Variants in RMDN2 observed in about 807,000 individuals in gnomAD.
RMDN2 encodes the protein regulator of microtubule dynamics 2, also known as regulator of microtubule dynamics protein 2.
A neutral mutation model predicts 52.8 loss-of-function variants in RMDN2; 61 were observed. The ratio of observed to expected loss-of-function variants is 1.16; its 90% CI spans 0.94 to 1.43. The LOEUF is 1.43. RMDN2 is among the 40% of genes most tolerant of loss of function. The pLI, the probability that RMDN2 is intolerant of heterozygous loss-of-function variation, is 0.00. For synonymous variants in RMDN2, 180 were observed against 153.1 expected, an observed-to-expected ratio of 1.18 and a Z score of -1.30; for missense variants, 592 against 475.3, an observed-to-expected ratio of 1.25 and a Z score of -2.28.
intron 10 of RMDN2, among the ~76,000 whole-genome samples, chr2:38,041,422 T>A (rs1394962065): frequency 8.5e-6 from 1 of 117,444 alleles, no homozygotes; most frequent in Non-Finnish European, 1.7e-5. Context: ...TCATTTTTTT[T>A]ATTGGTTTTT....
intron 10 of RMDN2, among the ~76,000 whole-genome samples, chr2:38,025,928 T>C (rs527766865): frequency 4.6e-5 from 7 of 152,248 alleles, no homozygotes; most frequent in South Asian, 2.1e-4. Flanking sequence ...AAAGTCTTTT[T>C]CTGGTTTTGG....
chr2:37,995,200 G>T (rs2125152507), intron 7 of RMDN2, among the ~76,000 whole-genome samples: 1 of 152,110 alleles, frequency 6.6e-6, no homozygotes, highest in South Asian at 2.1e-4. Context: ...AACATAGAAA[G>T]TAAACATGTA....
intron 10 of RMDN2, among the ~76,000 whole-genome samples, chr2:38,025,147 T>C (rs1439546091): frequency 6.6e-6 from 1 of 152,160 alleles, no homozygotes; most frequent in Non-Finnish European, 1.5e-5. Flanking sequence ...GAATATAGTA[T>C]ACCTCTTAAT....
intron 7 of RMDN2, among the ~76,000 whole-genome samples, chr2:37,997,134 ATCT>A (rs1558528221): frequency 6.6e-6 from 1 of 152,112 alleles, no homozygotes; most frequent in African/African-American, 2.4e-5. Context: ...TTTGACACAA[ATCT>A]TCTTATCCAG....
At chr2:37,981,991 C>G (rs920474635) in intron 5 of RMDN2, among the ~76,000 whole-genome samples, 11 of 151,392 alleles carry the variant, frequency 7.3e-5, no homozygotes, top group Admixed American at 4.6e-4. Flanking sequence ...TTTTCTTTTT[C>G]TCTTGGTTTC....
At chr2:37,926,894 C>T (rs1228822570) in intron 1 of RMDN2, among the ~76,000 whole-genome samples, 1 of 152,036 alleles carries the variant, frequency 6.6e-6, no homozygotes, top group Non-Finnish European at 1.5e-5. Context: ...AGTGATTGTA[C>T]CACTGCACTC....
intron 10 of RMDN2, among the ~76,000 whole-genome samples, chr2:38,051,576 ATGT>A (rs1436882673): frequency 2.0e-5 from 3 of 152,212 alleles, no homozygotes; most frequent in Admixed American, 6.5e-5. Context: ...AATATACAAT[ATGT>A]TATTAACTAT....
At chr2:38,048,904 AATTG>A (rs930861574) in intron 10 of RMDN2, among the ~76,000 whole-genome samples, 6 of 152,236 alleles carry the variant, frequency 3.9e-5, no homozygotes, top group Non-Finnish European at 7.3e-5. Context: ...ATATGGCTTT[AATTG>A]ATTGACTAAC....
At chr2:38,058,683 T>A (rs1404069347) in intron 10 of RMDN2, among the ~76,000 whole-genome samples, 1 of 152,224 alleles carries the variant, frequency 6.6e-6, no homozygotes, top group Non-Finnish European at 1.5e-5. Flanking sequence ...AAGGTGTTCG[T>A]TTTCTGTGTT....
At chr2:38,037,204 C>T (rs998622815) in intron 10 of RMDN2, among the ~76,000 whole-genome samples, 2 of 152,112 alleles carry the variant, frequency 1.3e-5, no homozygotes, top group Non-Finnish European at 2.9e-5. Flanking sequence ...ATTTTCTATG[C>T]AAGATTTTGT....
chr2:37,943,222 G>A (rs2124933356), intron 2 of RMDN2, among the ~76,000 whole-genome samples: 1 of 152,336 alleles, frequency 6.6e-6, no homozygotes, highest in African/African-American at 2.4e-5. Context: ...AGAGAGTGGA[G>A]TACAGAACTT....
At chr2:37,961,321 A>C (rs1434517652) in intron 2 of RMDN2, among the ~76,000 whole-genome samples, 2 of 152,146 alleles carry the variant, frequency 1.3e-5, no homozygotes, top group South Asian at 2.1e-4. Flanking sequence ...ACTTTCAGGT[A>C]CACCAATCAA....
chr2:37,931,908 C>A (rs1194097736), intron 2 of RMDN2, among the ~76,000 whole-genome samples: 1 of 152,152 alleles, frequency 6.6e-6, no homozygotes, highest in Non-Finnish European at 1.5e-5. Flanking sequence ...AATACATCCC[C>A]AGTGCCTTGG....
At position 37,944,787 on chromosome 2, in the gene RMDN2, A is replaced by G. The variant is rs545590942; in HGVS notation, c.452+15058A>G. On this transcript the variant is annotated intron_variant, in intron 2 of 10. Coordinates refer to ENST00000354545, the MANE Select transcript of RMDN2 (RefSeq NM_001170791.3). Reference sequence around the variant, plus strand: ...GGAGGTTGTGTAATTAAGAAGGGGTATCAGGTCCAGAGAACATATATTTTA... The same window carrying G: ...GGAGGTTGTGTAATTAAGAAGGGGTGTCAGGTCCAGAGAACATATATTTTA... Among the ~76,000 whole-genome samples, 148 of 152,294 alleles carry G rather than the reference A, an allele frequency of 9.7e-4. 1 individual carries two copies. The highest frequency in any genetic ancestry group is 3.5e-3 in the African/African-American group (144 of 41,564).
intron 2 of RMDN2, among the ~76,000 whole-genome samples, chr2:37,935,529 G>T (rs1268853315): frequency 6.6e-6 from 1 of 152,080 alleles, no homozygotes; most frequent in Non-Finnish European, 1.5e-5. Flanking sequence ...TTCTACTTCT[G>T]ATCTTTTAAA....
intron 2 of RMDN2, among the ~76,000 whole-genome samples, chr2:37,958,977 C>G (rs1259097787): frequency 6.6e-6 from 1 of 150,982 alleles, no homozygotes; most frequent in Admixed American, 6.6e-5. Flanking sequence ...ATGTGTTGAA[C>G]CAGCCTCGCA....
At chr2:37,974,415 AG>A (rs1370831225) in intron 3 of RMDN2, among the ~76,000 whole-genome samples, 1 of 151,858 alleles carries the variant, frequency 6.6e-6, no homozygotes, top group Non-Finnish European at 1.5e-5. Flanking sequence ...TAAATGTAAA[AG>A]TTTATTAGAC....
intron 4 of RMDN2, among the ~76,000 whole-genome samples, chr2:37,980,890 T>G (rs1193162924): frequency 2.0e-5 from 3 of 152,138 alleles, no homozygotes; most frequent in African/African-American, 7.2e-5. Flanking sequence ...TTATTTTACA[T>G]TTTATTCCCA....
chr2:38,066,625 C>T (rs896135037), intron 10 of RMDN2, among the ~76,000 whole-genome samples: 7 of 152,198 alleles, frequency 4.6e-5, no homozygotes, highest in African/African-American at 1.7e-4. Context: ...GAGTTTCTAA[C>T]AACCACGCCT....
Sources: gnomAD v4.1 joint callset for allele counts (sites outside exome capture counted in the v4.1 genomes callset) on GRCh38, gnomAD v4.1.1 for gene constraint, MANE v1.5 for transcripts, NCBI Gene and HGNC (gene_info 2026-07-23, HGNC 2026-07-21) for gene names.